NT5C2: variants seen among roughly 807,000 people sequenced by gnomAD.
The protein encoded by NT5C2 is cytosolic purine 5'-nucleotidase.
Under a neutral mutation model 76.1 loss-of-function variants are expected in NT5C2, and 58 were observed. The observed-to-expected ratio is 0.76, with a 90% CI of 0.62 to 0.95. NT5C2 has a LOEUF of 0.95. Ranked by LOEUF, NT5C2 falls within the 40% of genes least tolerant of loss-of-function variation. NT5C2 has a pLI of 0.00. For synonymous variants in NT5C2, 229 were observed against 237.4 expected (o/e 0.96, Z 0.32); for missense variants, 478 against 690.3 (o/e 0.69, Z 3.45).
At chr10:103,125,494 G>A (rs1470552690) in intron 4 of NT5C2, 1 of 202,866 alleles carries the variant, frequency 4.9e-6, no homozygotes, top group East Asian at 1.5e-4. Flanking sequence ...AACAGCTGCT[G>A]GCTAGCATTC....
chr10:103,155,792 G>C (rs1822013895), intron 3 of NT5C2, among the ~76,000 whole-genome samples: 5 of 152,160 alleles, frequency 3.3e-5, no homozygotes, highest in Admixed American at 3.3e-4. Flanking sequence ...AGAGAGTCTT[G>C]GCGGGGTTAG....
intron 12 of NT5C2, among the ~76,000 whole-genome samples, chr10:103,095,273 C>T (rs1160205901): frequency 6.6e-6 from 1 of 152,184 alleles, no homozygotes; most frequent in Non-Finnish European, 1.5e-5. Flanking sequence ...CCATTAAAAT[C>T]ATGACTATCC....
chr10:103,090,459 A>C (rs1293168883), intron 18 of NT5C2, 152 bp downstream of exon 18: 10 of 621,464 alleles, frequency 1.6e-5, no homozygotes, highest in Non-Finnish European at 2.5e-5. Context: ...CTACTTTCTC[A>C]AAGACCCCTT....
chr10:103,115,755 CTAAG>C (rs1221940358), intron 4 of NT5C2, among the ~76,000 whole-genome samples: 3 of 151,996 alleles, frequency 2.0e-5, no homozygotes, highest in Non-Finnish European at 4.4e-5. Context: ...AGCTTGGAAA[CTAAG>C]TATAGACTCA....
chr10:103,089,872 C>G lies in NT5C2; in HGVS notation c.1486G>C (p.Asp496His), dbSNP rs1294497468. Residue 496 changes from aspartate (D) to histidine (H), a missense_variant, in exon 19 of 19, where the codon GAT (aspartate) becomes CAT (histidine). Coordinates refer to ENST00000404739, the MANE Select transcript of NT5C2 (RefSeq NM_001351169.2). ...AGAGGAGACTCCATCTCATTGATAT[C>G]TACGTGTGTGTGCTCCACCGTTGAT... ...HESTVEHTHV[D>H]INEMESPLAT... 6.2e-7 allele frequency: 1 copy of G among 1,612,988 alleles called. No homozygotes were observed. The highest frequency in any genetic ancestry group is 8.5e-7 in the Non-Finnish European group (1 of 1,179,392).
rs80057951 is a variant in NT5C2, at chr10:103,158,686, G to A, written c.101+16172C>T. Among the ~76,000 whole-genome samples, 41 of 151,794 alleles carry A rather than the reference G, an allele frequency of 2.7e-4. No individual in the cohort carries two copies. The South Asian group carries it at 2.9e-3, about 11-fold the overall frequency. ...ACAAAAATTAGCCAAGCATGGTGGC[G>A]GGCACTTGTCATCCCAGCTACTTTG... On this transcript the variant is annotated intron_variant, in intron 3 of 18. Coordinates refer to ENST00000404739, the MANE Select transcript of NT5C2 (RefSeq NM_001351169.2).
intron 3 of NT5C2, among the ~76,000 whole-genome samples, chr10:103,142,497 C>T (rs1453930464): frequency 6.6e-6 from 1 of 151,818 alleles, no homozygotes; most frequent in African/African-American, 2.4e-5. Context: ...ATGGCAAAAC[C>T]CCGTCTCCAC....
intron 8 of NT5C2, chr10:103,100,672 ATG>A (rs1364344681): frequency 4.2e-6 from 2 of 480,050 alleles, no homozygotes; most frequent in Admixed American, 4.6e-5. Context: ...CCATCCCTGA[ATG>A]GCTCCTGGGT....
Position 103,090,653 on chromosome 10 carries a change from C to T in NT5C2, c.1407G>A (p.Leu469=), listed in dbSNP as rs142965385. ...DLYAASFINL[L]YYPFSYLFRA... Reference sequence around the variant, plus strand: ...TGAAGAGGTAGCTGAAAGGGTAATACAGCAGGTTGATGAAAGATGCTGCAT... The same window carrying T: ...TGAAGAGGTAGCTGAAAGGGTAATATAGCAGGTTGATGAAAGATGCTGCAT... Residue 469 remains leucine (L), a synonymous_variant, in exon 18 of 19, where the codon CTG becomes CTA. Transcript: ENST00000404739. 34 of 1,613,998 alleles carry T rather than the reference C, an allele frequency of 2.1e-5. No homozygotes were observed. The highest frequency in any genetic ancestry group is 1.6e-4 in the Middle Eastern group (1 of 6,066).
intron 4 of NT5C2, among the ~76,000 whole-genome samples, chr10:103,121,648 C>A (rs1441051517): frequency 6.6e-6 from 1 of 152,186 alleles, no homozygotes; most frequent in African/African-American, 2.4e-5. Flanking sequence ...ACTGACATCA[C>A]AGGCTAGTTT....
chr10:103,189,050 C>G (rs2092384358), intron 1 of NT5C2, among the ~76,000 whole-genome samples: 1 of 150,004 alleles, frequency 6.7e-6, no homozygotes, highest in Non-Finnish European at 1.5e-5. Flanking sequence ...GTACTATGTG[C>G]TTGGAAAGAG....
intron 1 of NT5C2, among the ~76,000 whole-genome samples, chr10:103,192,041 G>A (rs1488095833): frequency 6.6e-6 from 1 of 150,640 alleles, no homozygotes; most frequent in Non-Finnish European, 1.5e-5. Flanking sequence ...GTCTTCATCT[G>A]GATAAATTCT....
At chr10:103,173,462 A>G (rs570408328) in intron 3 of NT5C2, among the ~76,000 whole-genome samples, 1 of 151,408 alleles carries the variant, frequency 6.6e-6, no homozygotes, top group Non-Finnish European at 1.5e-5. Flanking sequence ...CCAAAAATAC[A>G]AAAAATTAGC....
chr10:103,089,520 T>C lies in NT5C2; in HGVS notation c.*152A>G. On this transcript the variant is annotated 3_prime_UTR_variant, in exon 19 of 19. Coordinates refer to ENST00000404739, the MANE Select transcript of NT5C2 (RefSeq NM_001351169.2). Reference sequence around the variant, plus strand: ...CAGATACACAAAACCAAAACAAGTATCTATGATAATAAAATCTTCAGAAAC... The same window carrying C: ...CAGATACACAAAACCAAAACAAGTACCTATGATAATAAAATCTTCAGAAAC... 1 of 1,353,126 alleles carries C rather than the reference T, an allele frequency of 7.4e-7. No individual in the cohort carries two copies. The highest frequency in any genetic ancestry group is 9.7e-7 in the Non-Finnish European group (1 of 1,025,950). 83.8% of individuals were successfully genotyped at this position (1,353,126 alleles called of 1,614,324 possible). A position where few individuals can be genotyped will look rare whatever the true frequency, so the allele number is the denominator to read the frequency against.
chr10:103,168,481 G>T (rs2086958655), intron 3 of NT5C2, among the ~76,000 whole-genome samples: 1 of 152,178 alleles, frequency 6.6e-6, no homozygotes, highest in African/African-American at 2.4e-5. Context: ...GATCTATAGT[G>T]ATCACTAAAA....
At chr10:103,143,932 G>A (rs2081033805) in intron 3 of NT5C2, among the ~76,000 whole-genome samples, 1 of 152,012 alleles carries the variant, frequency 6.6e-6, no homozygotes, top group Non-Finnish European at 1.5e-5. Context: ...TCTAGCCTGG[G>A]CAACAGAGCA....
At chr10:103,127,822 C>T (rs1461070255) in intron 4 of NT5C2, among the ~76,000 whole-genome samples, 1 of 152,090 alleles carries the variant, frequency 6.6e-6, no homozygotes, top group Non-Finnish European at 1.5e-5. Flanking sequence ...TCCCAAGGTG[C>T]TGGGATTACA....
At chr10:103,179,484 C>CA (rs2090683736) in intron 2 of NT5C2, among the ~76,000 whole-genome samples, 1 of 152,058 alleles carries the variant, frequency 6.6e-6, no homozygotes, top group South Asian at 2.1e-4. Context: ...TGCATATACA[C>CA]AAACAACAAC....
At chr10:103,160,019 A>C (rs1296320985) in intron 3 of NT5C2, among the ~76,000 whole-genome samples, 1 of 152,218 alleles carries the variant, frequency 6.6e-6, no homozygotes, top group East Asian at 1.9e-4. Context: ...GCAGTAATCA[A>C]GACTGTGTGC....
Sources: gnomAD v4.1 joint callset for allele counts (sites outside exome capture counted in the v4.1 genomes callset) on GRCh38, gnomAD v4.1.1 for gene constraint, MANE v1.5 for transcripts, NCBI Gene and HGNC (gene_info 2026-07-23, HGNC 2026-07-21) for gene names.